The following APC2 variants were observed in gnomAD, a reference collection of about 807,000 sequenced individuals.
APC2 encodes the protein APC regulator of Wnt signaling pathway 2, also known as adenomatous polyposis coli protein 2.
A neutral mutation model predicts 72.5 loss-of-function variants in APC2; 41 were observed. The ratio of observed to expected loss-of-function variants is 0.57; its 90% CI spans 0.44 to 0.73. APC2 has a LOEUF of 0.73. Among genes scored for constraint, APC2 ranks in the 30% least tolerant of loss-of-function variants. The pLI is 0.00. For missense variants in APC2, 3,729 were observed against 3,403.4 expected (o/e 1.10, Z -2.38); for synonymous variants, 1,898 against 1,612.0 (o/e 1.18, Z -4.25).
At chr19:1,450,936 G>C (rs1296081664) in intron 1 of APC2, among the ~76,000 whole-genome samples, 1 of 152,256 alleles carries the variant, frequency 6.6e-6, no homozygotes, top group Admixed American at 6.5e-5. Context: ...TGAGAGAAGA[G>C]AGCCTCCAGC....
chr19:1,449,677 C>A (rs1472049183), upstream of APC2, among the ~76,000 whole-genome samples: 3 of 151,988 alleles, frequency 2.0e-5, no homozygotes, highest in African/African-American at 7.3e-5. Flanking sequence ...CCTCAGGGAG[C>A]TCCAGCCTGG....
At chr19:1,455,120 G>A (rs764388516) in intron 4 of APC2, 29 bp from the exon 5 acceptor site, 1 of 1,491,506 alleles carries the variant, frequency 6.7e-7, no homozygotes, top group African/African-American at 1.5e-5. Context: ...GCCGCCCTCT[G>A]AGCCCGCCCC....
intron 9 of APC2, chr19:1,457,659 C>T (rs2083856484): frequency 3.8e-6 from 2 of 523,808 alleles, no homozygotes; most frequent in South Asian, 2.1e-5. Flanking sequence ...GATCATGCTA[C>T]TGCACTCCAG....
rs2084018619 is a variant in APC2 at position 1,466,532 on chromosome 19, C to G, written c.3231C>G (p.Ser1077=). The change falls in exon 15 of 15, where the codon TCC becomes TCG. Residue 1077 remains serine (S), a synonymous_variant. Coordinates refer to ENST00000590469, the MANE Select transcript of APC2 (RefSeq NM_005883.3). ...LSRCSSLSSL[S]SAGRPGPSEG... is the part of the protein sequence containing the mutation. ...GATGCAGCTCCCTTTCCTCGCTGTC[C>G]TCGGCCGGCCGCCCAGGCCCCAGCG... 2 of 1,587,814 alleles carry G rather than the reference C, an allele frequency of 1.3e-6. No homozygotes were observed. Among genetic ancestry groups the G allele is most frequent in the Non-Finnish European group, 1.7e-6 (2 of 1,174,772 alleles).
chr19:1,470,053 T>A lies in APC2; in HGVS notation c.6752T>A (p.Val2251Asp). The change falls in exon 15 of 15, where the codon GTC becomes GAC. Residue 2251 changes from valine (V) to aspartate (D), a missense_variant. Coordinates refer to ENST00000590469, the MANE Select transcript of APC2 (RefSeq NM_005883.3). ...CCCTTCGTGCACGAGGGCCTGGGGGTCGCCGTGGGGGGCTTCCCCGCCAGC... is the reference window on the plus strand; with the variant it reads ...CCCTTCGTGCACGAGGGCCTGGGGGACGCCGTGGGGGGCTTCCCCGCCAGC... Reference protein sequence around the residue: ...SAPFVHEGLGVAVGGFPASRH... With the variant: ...SAPFVHEGLGDAVGGFPASRH... 6.3e-7 allele frequency: 1 copy of A among 1,579,942 alleles called. No individual in the cohort carries two copies. Among genetic ancestry groups the A allele is most frequent in the Non-Finnish European group, 8.6e-7 (1 of 1,168,198 alleles).
rs1314394339 is a variant in APC2, at chr19:1,466,626, G to C, written c.3325G>C (p.Glu1109Gln). The stretch of plus-strand genomic sequence containing the variant: ...GGAGGAGGCCGGCCCCAGCGAGGCT[G>C]AGCTGGACAGCACGTGGCGGGCGCC... ...GLEEAGPSEA[E>Q]LDSTWRAPGA... The change falls in exon 15 of 15, where the codon GAG (glutamate) becomes CAG (glutamine). Residue 1109 changes from glutamate to glutamine, a missense_variant. Glu to Gln is a conservative substitution (Grantham distance 29). Coordinates refer to ENST00000590469, the MANE Select transcript of APC2 (RefSeq NM_005883.3). 1 of 1,516,406 alleles carries C rather than the reference G, an allele frequency of 6.6e-7. No individual in the cohort carries two copies. Among genetic ancestry groups the C allele is most frequent in the Admixed American group, 2.0e-5 (1 of 50,046 alleles). The allele number at this position is 1,516,406 out of a possible 1,614,324, so 93.9% of individuals were successfully genotyped here. A position where few individuals can be genotyped will look rare whatever the true frequency, so the allele number is the denominator to read the frequency against.
At chr19:1,447,853 C>T (rs76026332), upstream of APC2, among the ~76,000 whole-genome samples, 3,513 of 152,260 alleles carry the variant, frequency 0.023, 57 homozygotes, top group Middle Eastern at 0.051. Context: ...GTTCCCTGGC[C>T]CAGGCCTCAG....
At position 1,466,299 on chromosome 19, in the gene APC2, C is replaced by T; in HGVS notation, c.2998C>T (p.Gln1000Ter). 6.5e-7 allele frequency: 1 copy of T among 1,536,094 alleles called. No homozygotes were observed. Among genetic ancestry groups the T allele is most frequent in the Non-Finnish European group, 8.7e-7 (1 of 1,145,864 alleles). The change falls in exon 15 of 15, where the codon CAG becomes TAG. Residue 1000 changes from glutamine to a stop codon, truncating the protein, a stop_gained. Transcript: ENST00000590469. LOFTEE classifies it low-confidence loss of function (END_TRUNC). ...CACCATCAAGCTGTCGCCTACCTAT[C>T]AGCACGTGCCACTGCTTGAGGGTGC... ...VRTIKLSPTY[Q>*]HVPLLEGASR...
Position 1,461,576 on chromosome 19 carries a change from G to T in APC2, c.1639-387G>T. On this transcript the variant is annotated intron_variant, in intron 13 of 14. Transcript: ENST00000590469. ...TCAAAAAAACAACCTCACTGGGCCG[G>T]GCGCGGTGGCTCTTGCCTGTAATCC... The T allele has an allele frequency of 9.5e-6, 3 of 314,514 alleles. No homozygotes were observed. In the South Asian group the frequency reaches 1.2e-4, roughly 13 times the overall value. 19.5% of individuals were successfully genotyped at this position (314,514 alleles called of 1,614,324 possible). A position where few individuals can be genotyped will look rare whatever the true frequency, so the allele number is the denominator to read the frequency against.
chr19:1,461,099 G>C lies in APC2; in HGVS notation c.1584G>C (p.Leu528=), dbSNP rs770467367. ...WRADINSKKV[L]REAGSVTALV... ...CCGACATCAACAGCAAGAAGGTGCTGAGGGAGGCGGGCAGCGTGACTGCCC... is the reference window on the plus strand; with the variant it reads ...CCGACATCAACAGCAAGAAGGTGCTCAGGGAGGCGGGCAGCGTGACTGCCC... The change falls in exon 13 of 15, where the codon CTG becomes CTC. Residue 528 remains leucine, a synonymous_variant. Transcript: ENST00000590469. 1.2e-6 allele frequency: 2 copies of C among 1,613,470 alleles called. No individual in the cohort carries two copies. Among genetic ancestry groups the C allele is most frequent in the South Asian group, 2.2e-5 (2 of 91,092 alleles).
rs1168862324 is a variant in APC2 at position 1,470,255 on chromosome 19, C to T, written c.*42C>T. 1.3e-5 allele frequency: 20 copies of T among 1,523,398 alleles called. No individual in the cohort carries two copies. Among genetic ancestry groups the T allele is most frequent in the African/African-American group, 2.8e-5 (2 of 71,884 alleles). The allele number at this position is 1,523,398 out of a possible 1,614,324, so 94.4% of individuals were successfully genotyped here. A position where few individuals can be genotyped will look rare whatever the true frequency, so the allele number is the denominator to read the frequency against. On this transcript the variant is annotated 3_prime_UTR_variant, in exon 15 of 15. Transcript: ENST00000590469. ...TCTGGAACGTTCTCTCCCGGCCCTGCGGCGCGGTCTGGCTGCCCCATGGGC... is the reference window on the plus strand; with the variant it reads ...TCTGGAACGTTCTCTCCCGGCCCTGTGGCGCGGTCTGGCTGCCCCATGGGC...
intron 10 of APC2, among the ~76,000 whole-genome samples, chr19:1,459,818 GTAT>G (rs957044899): frequency 6.6e-6 from 1 of 152,328 alleles, no homozygotes; most frequent in Admixed American, 6.5e-5. Context: ...GTCTTGGGGT[GTAT>G]TATTAGAGGA....
Position 1,456,147 on chromosome 19 carries a change from G to A in APC2, c.711G>A (p.Glu237=), listed in dbSNP as rs757525172. The change falls in exon 7 of 15, where the codon GAG becomes GAA. Residue 237 remains glutamate (E), a synonymous_variant. Coordinates refer to ENST00000590469, the MANE Select transcript of APC2 (RefSeq NM_005883.3). ...CGCAGGACCGAGTGCAGCAGACGGA[G>A]CCCCAGGTACCGGGTGGGGCAGAGC... ...LEAQDRVQQT[E]PQALLAVKSV... is the part of the protein sequence containing the mutation. 45 of 1,589,228 alleles carry A rather than the reference G, an allele frequency of 2.8e-5. No homozygotes were observed. Among genetic ancestry groups the A allele is most frequent in the Non-Finnish European group, 3.7e-5 (43 of 1,170,338 alleles).
Position 1,466,470 on chromosome 19 carries a change from A to C in APC2, c.3169A>C (p.Lys1057Gln), listed in dbSNP as rs572091501. The stretch of plus-strand genomic sequence containing the variant: ...GTCTGTGGCCAGCAAGGCACTGCAG[A>C]AACTGGCGGCGCAAGAGGGGCCACT... ...PLSVASKALQ[K>Q]LAAQEGPLSL... The change falls in exon 15 of 15, where the codon AAA becomes CAA. Residue 1057 changes from lysine to glutamine, a missense_variant. Lys to Gln is a moderately conservative substitution (Grantham distance 53, BLOSUM62 1). Transcript: ENST00000590469. The C allele has an allele frequency of 6.3e-7, 1 of 1,598,224 alleles. No homozygotes were observed. Among genetic ancestry groups the C allele is most frequent in the South Asian group, 1.1e-5 (1 of 90,962 alleles).
chr19:1,469,293 A>G lies in APC2; in HGVS notation c.5992A>G (p.Ile1998Val). The G allele has an allele frequency of 7.0e-7, 1 of 1,419,244 alleles. No homozygotes were observed. The highest frequency in any genetic ancestry group is 2.6e-4 in the Middle Eastern group (1 of 3,916). 87.9% of individuals were successfully genotyped at this position (1,419,244 alleles called of 1,614,324 possible). A position where few individuals can be genotyped will look rare whatever the true frequency, so the allele number is the denominator to read the frequency against. The change falls in exon 15 of 15, where the codon ATC becomes GTC. Residue 1998 changes from isoleucine (I) to valine (V), a missense_variant. Transcript: ENST00000590469. Reference sequence around the variant, plus strand: ...GGGCTTCCGGCGACAGCTAACCTTCATCAAGGAGTCGCCGGGCTTGCGGCG... The same window carrying G: ...GGGCTTCCGGCGACAGCTAACCTTCGTCAAGGAGTCGCCGGGCTTGCGGCG... ...RSGFRRQLTF[I>V]KESPGLRRRR...
At chr19:1,446,402 T>TCCA, upstream of APC2, 1 of 977,624 alleles carries the variant, frequency 1.0e-6, no homozygotes, top group Non-Finnish European at 1.2e-6. The surrounding 1 kb of genome is among the most constrained non-coding windows in gnomAD (Gnocchi z 6.1). Context: ...CGGGGCGGGG[T>TCCA]CCACACCGCG....
At position 1,465,314 on chromosome 19, in the gene APC2, G is replaced by A; in HGVS notation, c.2013G>A (p.Met671Ile). The A allele has an allele frequency of 6.3e-7, 1 of 1,597,138 alleles. No individual in the cohort carries two copies. The highest frequency in any genetic ancestry group is 8.5e-7 in the Non-Finnish European group (1 of 1,176,936). ...ELLWDLGAVGMLRNLVHSKHK... is the reference protein window; with the variant it reads ...ELLWDLGAVGILRNLVHSKHK... The stretch of plus-strand genomic sequence containing the variant: ...TGTGGGACCTGGGCGCCGTGGGCAT[G>A]CTGCGTAATCTGGTGCACTCCAAGC... The change falls in exon 15 of 15, where the codon ATG (methionine) becomes ATA (isoleucine). Residue 671 changes from methionine to isoleucine, a missense_variant. Physicochemically the swap from Met to Ile is conservative, Grantham distance 10 (BLOSUM62 1). Transcript: ENST00000590469.
In APC2 at chr19:1,468,678, G is replaced by A. The variant is rs1367855276; in HGVS notation, c.5377G>A (p.Val1793Met). 1.3e-6 allele frequency: 2 copies of A among 1,570,560 alleles called. No individual in the cohort carries two copies. The highest frequency in any genetic ancestry group is 1.7e-4 in the Middle Eastern group (1 of 5,982). The change falls in exon 15 of 15, where the codon GTG (valine) becomes ATG (methionine). Residue 1793 changes from valine to methionine, a missense_variant. Physicochemically the swap from Val to Met is conservative, Grantham distance 21. Transcript: ENST00000590469. ...GCCAGCTGTGCTCCGGGGACGAACAGTGATCTACGTCCCCAGCCCGGCACC... is the reference window on the plus strand; with the variant it reads ...GCCAGCTGTGCTCCGGGGACGAACAATGATCTACGTCCCCAGCCCGGCACC... ...GVPAVLRGRT[V>M]IYVPSPAPRA...
Position 1,467,864 on chromosome 19 carries a change from C to T in APC2, c.4563C>T (p.Ala1521=), listed in dbSNP as rs777802772. The change falls in exon 15 of 15, where the codon GCC becomes GCT. Residue 1521 remains alanine (A), a synonymous_variant. Transcript: ENST00000590469. ...GNDSDEEPPA[A]APTPTHRRTS... ...ACTCGGACGAGGAGCCCCCGGCGGC[C>T]GCGCCCACGCCAACCCACCGGCGCA... 1.3e-6 allele frequency: 2 copies of T among 1,556,044 alleles called. No individual in the cohort carries two copies. The highest frequency in any genetic ancestry group is 2.3e-5 in the South Asian group (2 of 85,664).
Sources: allele counts gnomAD v4.1 joint callset (sites outside exome capture counted in the v4.1 genomes callset), GRCh38; gene constraint gnomAD v4.1.1; non-coding constraint Gnocchi (gnomAD v3.1); transcripts MANE v1.5; gene names NCBI Gene and HGNC (gene_info 2026-07-23, HGNC 2026-07-21).